Variants in IPO5 observed in about 807,000 individuals in gnomAD.
The protein encoded by IPO5 is importin 5.
A neutral mutation model predicts 143.3 loss-of-function variants in IPO5; 18 were observed. The ratio of observed to expected loss-of-function variants is 0.13; its 90% confidence interval spans 0.09 to 0.19. The LOEUF (loss-of-function observed/expected upper bound fraction) is 0.19, where lower values mean the gene tolerates loss of function less well. Ranked by LOEUF, IPO5 falls within the 10% of genes least tolerant of loss-of-function variation. The pLI is 1.00. For missense variants in IPO5, 1,013 were observed against 1,336.9 expected (o/e 0.76, Z 3.78); for synonymous variants, 477 against 465.7 (o/e 1.02, Z -0.31).
intron 11 of IPO5, among the ~76,000 whole-genome samples, chr13:97,994,858 G>T (rs3930650): frequency 2.0e-5 from 3 of 152,148 alleles, no homozygotes; most frequent in South Asian, 4.1e-4. Flanking sequence ...AGGCATACTG[G>T]CTCAGGCCTG....
intron 4 of IPO5, chr13:97,977,160 C>G (rs879761391): frequency 6.4e-6 from 1 of 155,136 alleles, no homozygotes; most frequent in Admixed American, 6.5e-5. Context: ...GGAGCCCCCA[C>G]TGCCCTTCCA....
intron 9 of IPO5, 89 bp from the exon 10 acceptor site, chr13:97,992,803 C>T (rs1259466475): frequency 2.3e-6 from 3 of 1,304,356 alleles, no homozygotes; most frequent in East Asian, 2.3e-5. Flanking sequence ...AGTAATATTT[C>T]TCTATTGTCA....
At chr13:98,008,448 T>C (rs1349284319) in intron 18 of IPO5, among the ~76,000 whole-genome samples, 1 of 152,196 alleles carries the variant, frequency 6.6e-6, no homozygotes, top group Admixed American at 6.5e-5. Context: ...CTCTGTGTGC[T>C]TGCAACTTTC....
chr13:98,019,557 ACTT>A (rs1409332324), intron 26 of IPO5, 21 bp from the exon 27 acceptor site: 2 of 1,527,984 alleles, frequency 1.3e-6, no homozygotes, highest in Non-Finnish European at 1.8e-6. Flanking sequence ...TTTTAGCTGA[ACTT>A]CTTTCAAATG....
In IPO5 at chr13:97,990,156, A is replaced by G. The variant is rs761769952; in HGVS notation, c.498A>G (p.Gln166=). ...WNFPGIFGNQ[Q]QHYLDVIKRM... ...TTCCTGGAATTTTTGGGAACCAGCAACAACACTATTTAGATGTCATCAAAC... is the reference window on the plus strand; with the variant it reads ...TTCCTGGAATTTTTGGGAACCAGCAGCAACACTATTTAGATGTCATCAAAC... The change falls in exon 8 of 29, where the codon CAA becomes CAG. Residue 166 remains glutamine (Q), a synonymous_variant. Coordinates refer to ENST00000651721, the MANE Select transcript of IPO5 (RefSeq NM_002271.6). The G allele has an allele frequency of 6.8e-6, 11 of 1,612,986 alleles. No individual in the cohort carries two copies. Among genetic ancestry groups the G allele is most frequent in the African/African-American group, 1.3e-5 (1 of 74,932 alleles).
chr13:97,981,831 A>T lies in IPO5; in HGVS notation c.91-672A>T, dbSNP rs369293994. On this transcript the variant is annotated intron_variant, in intron 4 of 28. Coordinates refer to ENST00000651721, the MANE Select transcript of IPO5 (RefSeq NM_002271.6). ...GTCTTTTAATTGGTGTCAACTTTTT[A>T]TTGTTAACCAATTTGTTGTGATTTT... Among the ~76,000 whole-genome samples, 16 of 152,232 alleles carry T rather than the reference A, an allele frequency of 1.1e-4. No homozygotes were observed. The South Asian group carries it at 2.9e-3, about 28-fold the overall frequency.
chr13:98,000,579 T>C lies in IPO5; in HGVS notation c.1042T>C (p.Cys348Arg). The C allele has an allele frequency of 1.2e-6, 2 of 1,613,904 alleles. No homozygotes were observed. The highest frequency in any genetic ancestry group is 1.1e-5 in the South Asian group (1 of 91,050). ...AGESALDRMA[C>R]GLGGKLVLPM... is the part of the protein sequence containing the mutation. ...CGAGAGTGCTCTAGATCGAATGGCT[T>C]GCGGACTTGGTGGAAAGCTCGTTCT... The change falls in exon 13 of 29, where the codon TGC becomes CGC. Residue 348 changes from cysteine (C) to arginine (R), a missense_variant. Coordinates refer to ENST00000651721, the MANE Select transcript of IPO5 (RefSeq NM_002271.6).
chr13:98,016,490 A>G (rs1178730869), intron 24 of IPO5, among the ~76,000 whole-genome samples: 3 of 152,234 alleles, frequency 2.0e-5, no homozygotes, highest in Non-Finnish European at 4.4e-5. Flanking sequence ...AATCTTTGCA[A>G]TAAATACAGT....
chr13:98,000,825 C>T (rs934493523), intron 13 of IPO5, 180 bp downstream of exon 13: 3 of 569,528 alleles, frequency 5.3e-6, no homozygotes, highest in African/African-American at 3.7e-5. Context: ...AGATTTACTT[C>T]CTAGCCAAAA....
At chr13:97,977,047 C>A (rs952764424) in intron 4 of IPO5, 1 of 199,968 alleles carries the variant, frequency 5.0e-6, no homozygotes. Flanking sequence ...TCCCGACGCG[C>A]CCCCGTCCAG....
rs190197468 is a variant in IPO5, at chr13:97,960,039, C to G, written c.-113+5841C>G. Among the ~76,000 whole-genome samples, 16 of 152,256 alleles carry G rather than the reference C, an allele frequency of 1.1e-4. No homozygotes were observed. The East Asian group carries it at 3.1e-3, about 29-fold the overall frequency. ...TACTGCAGTTAAATGTGGCATCAAG[C>G]AGTACTACACATAGGATGCATGGAA... On this transcript the variant is annotated intron_variant, in intron 2 of 28. Transcript: ENST00000651721.
chr13:98,016,243 G>A (rs1166310869), intron 24 of IPO5, among the ~76,000 whole-genome samples: 2 of 152,142 alleles, frequency 1.3e-5, no homozygotes, highest in Non-Finnish European at 2.9e-5. Context: ...CATCTCATAT[G>A]TGGCCACTTG....
At chr13:97,977,779 T>G (rs1043701529) in intron 4 of IPO5, among the ~76,000 whole-genome samples, 2 of 152,218 alleles carry the variant, frequency 1.3e-5, no homozygotes, top group African/African-American at 4.8e-5. Flanking sequence ...CTTTCCAGTT[T>G]CTTAGCTGAC....
chr13:97,954,697 TA>T (rs1225695186), intron 2 of IPO5, among the ~76,000 whole-genome samples: 2 of 152,094 alleles, frequency 1.3e-5, no homozygotes, highest in Non-Finnish European at 2.9e-5. Flanking sequence ...TAACTAGGGG[TA>T]AAAAAGGCTC....
intron 2 of IPO5, among the ~76,000 whole-genome samples, chr13:97,965,175 C>T (rs750985774): frequency 3.3e-5 from 5 of 152,100 alleles, no homozygotes; most frequent in Non-Finnish European, 5.9e-5. Flanking sequence ...GAACATCACA[C>T]ACCAGGGCCT....
intron 2 of IPO5, chr13:97,963,091 C>G (rs894092379): frequency 6.6e-6 from 1 of 152,148 alleles, no homozygotes; most frequent in Non-Finnish European, 1.5e-5. Flanking sequence ...ATGAAGCCCA[C>G]CCACCTTGTG....
In IPO5 at chr13:98,019,634, G is replaced by C. The variant is rs762972537; in HGVS notation, c.2890G>C (p.Glu964Gln). ...TCAGTCTGCGGATTCTAAGACCAAA[G>C]AAAATGTCAATGCTACAGAGAACTG... ...VIQSADSKTK[E>Q]NVNATENCIS... Residue 964 changes from glutamate to glutamine, a missense_variant, in exon 27 of 29, where the codon GAA (glutamate) becomes CAA (glutamine). By Grantham distance (29) the Glu-to-Gln change is conservative. Coordinates refer to ENST00000651721, the MANE Select transcript of IPO5 (RefSeq NM_002271.6). 5 of 1,614,168 alleles carry C rather than the reference G, an allele frequency of 3.1e-6. No homozygotes were observed. The highest frequency in any genetic ancestry group is 4.2e-6 in the Non-Finnish European group (5 of 1,180,014).
At chr13:97,978,915 G>T (rs1886615187) in intron 4 of IPO5, among the ~76,000 whole-genome samples, 1 of 152,270 alleles carries the variant, frequency 6.6e-6, no homozygotes, top group South Asian at 2.1e-4. Context: ...AATAAGTACT[G>T]TTATTCTCTT....
Position 98,015,242 on chromosome 13 carries a change from T to TTGTGTGTGTGTGTGTGTGTGTGTGTGTG in IPO5, c.2326-286_2326-259dup, listed in dbSNP as rs1179382229. 3.4e-5 allele frequency among the ~76,000 whole-genome samples: 5 copies of TTGTGTGTGTGTGTGTGTGTGTGTGTGTG among 147,724 alleles called. No homozygotes were observed. The Admixed American group carries it at 3.4e-4, about 10-fold the overall frequency. Reference sequence around the variant, plus strand: ...AGCAATTGTGTTCCTTAGGAGCTGGTTGTGTGTGTGTGTGTGTGTGTGTGT... The same window carrying TTGTGTGTGTGTGTGTGTGTGTGTGTGTG: ...AGCAATTGTGTTCCTTAGGAGCTGGTTGTGTGTGTGTGTGTGTGTGTGTGTGTGTGTGTGTGTGTGTGTGTGTGTGTGT... On this transcript the variant is annotated intron_variant, in intron 22 of 28. Coordinates refer to ENST00000651721, the MANE Select transcript of IPO5 (RefSeq NM_002271.6).
Sources: gnomAD v4.1 joint callset for allele counts (sites outside exome capture counted in the v4.1 genomes callset) on GRCh38, gnomAD v4.1.1 for gene constraint, MANE v1.5 for transcripts, NCBI Gene and HGNC (gene_info 2026-07-23, HGNC 2026-07-21) for gene names.